MYRIP: variants seen among roughly 807,000 people sequenced by gnomAD.
The protein encoded by MYRIP is myosin VIIA and Rab interacting protein.
A neutral mutation model predicts 98.0 loss-of-function variants in MYRIP; 49 were observed. The ratio of observed to expected loss-of-function variants is 0.50; its 90% CI spans 0.40 to 0.63. MYRIP has a LOEUF of 0.63. Ranked by LOEUF, MYRIP falls within the 30% of genes least tolerant of loss-of-function variation. The probability of loss-of-function intolerance (pLI) is 0.00; values close to 1 mark genes in which losing one functional copy is unlikely to be tolerated. For synonymous variants in MYRIP, 404 were observed against 409.5 expected, an observed-to-expected ratio of 0.99 and a Z score of 0.16; for missense variants, 1,004 against 1,058.2, an observed-to-expected ratio of 0.95 and a Z score of 0.71.
intron 3 of MYRIP, among the ~76,000 whole-genome samples, chr3:40,051,831 T>C (rs757156135): frequency 1.3e-5 from 2 of 152,184 alleles, no homozygotes; most frequent in Non-Finnish European, 2.9e-5. Context: ...ACAGCCCACA[T>C]ACCTCATAAA....
intron 11 of MYRIP, among the ~76,000 whole-genome samples, chr3:40,226,085 C>G (rs1355776123): frequency 6.6e-6 from 1 of 151,984 alleles, no homozygotes; most frequent in African/African-American, 2.4e-5. Context: ...CGTATGTAGC[C>G]CTTCAGCCCT....
chr3:40,166,537 A>G (rs1376821953), intron 5 of MYRIP, among the ~76,000 whole-genome samples: 1 of 152,066 alleles, frequency 6.6e-6, no homozygotes, highest in Non-Finnish European at 1.5e-5. Flanking sequence ...TTGTTAGAGG[A>G]GGAATTTTTG....
At chr3:39,930,184 G>T (rs904087292) in intron 2 of MYRIP, among the ~76,000 whole-genome samples, 2 of 151,898 alleles carry the variant, frequency 1.3e-5, no homozygotes, top group Non-Finnish European at 2.9e-5. Flanking sequence ...ATGTATGAGG[G>T]TTCCAGTTTA....
chr3:39,957,092 C>T (rs558679765), intron 2 of MYRIP, among the ~76,000 whole-genome samples: 6 of 151,776 alleles, frequency 4.0e-5, no homozygotes, highest in Non-Finnish European at 8.8e-5. Flanking sequence ...CCGAATTCTA[C>T]CAGAGGTACA....
chr3:39,988,216 C>T (rs1238938195), intron 2 of MYRIP, among the ~76,000 whole-genome samples: 4 of 151,618 alleles, frequency 2.6e-5, no homozygotes, highest in Non-Finnish European at 2.9e-5. Context: ...TGCTAAATGA[C>T]GAGTTAATGG....
intron 2 of MYRIP, among the ~76,000 whole-genome samples, chr3:39,909,773 AC>A (rs1452285617): frequency 6.6e-6 from 1 of 152,102 alleles, no homozygotes; most frequent in Non-Finnish European, 1.5e-5. Flanking sequence ...GGAGGAAGAG[AC>A]TGTTTTGAAG....
chr3:40,168,651 T>C (rs1950548690), intron 7 of MYRIP, among the ~76,000 whole-genome samples: 1 of 152,218 alleles, frequency 6.6e-6, no homozygotes. Context: ...ATGTTCACTC[T>C]GGGGCCCAAC....
chr3:39,872,558 A>G (rs985238170), intron 1 of MYRIP, among the ~76,000 whole-genome samples: 4 of 144,490 alleles, frequency 2.8e-5, no homozygotes, highest in Admixed American at 7.4e-5. Flanking sequence ...TCATTGTTCA[A>G]TTCCCACCTA....
chr3:40,181,000 T>C (rs1950870792), intron 8 of MYRIP, among the ~76,000 whole-genome samples: 1 of 152,332 alleles, frequency 6.6e-6, no homozygotes, highest in African/African-American at 2.4e-5. Flanking sequence ...GGCAAGGCCA[T>C]TGAGTGCATC....
intron 2 of MYRIP, among the ~76,000 whole-genome samples, chr3:40,019,460 G>A (rs1946943311): frequency 6.6e-6 from 1 of 152,094 alleles, no homozygotes; most frequent in Non-Finnish European, 1.5e-5. Context: ...TCTGTAAACT[G>A]CACCCCACCT....
At chr3:39,853,239 T>C (rs181971495) in intron 1 of MYRIP, among the ~76,000 whole-genome samples, 1 of 152,348 alleles carries the variant, frequency 6.6e-6, no homozygotes, top group Non-Finnish European at 1.5e-5. Flanking sequence ...TCTTTTTTAA[T>C]ATAATGACTT....
intron 4 of MYRIP, among the ~76,000 whole-genome samples, chr3:40,160,343 C>T (rs2125587315): frequency 6.6e-6 from 1 of 152,348 alleles, no homozygotes; most frequent in Admixed American, 6.5e-5. Context: ...AGGAGGCAGT[C>T]TGCCTGTTCT....
In MYRIP at chr3:39,823,943, A is replaced by G. The variant is rs769811850; in HGVS notation, c.-31+14027A>G. Among the ~76,000 whole-genome samples, 3 of 152,054 alleles carry G rather than the reference A, an allele frequency of 2.0e-5. No individual in the cohort carries two copies. In the South Asian group the frequency reaches 6.2e-4, roughly 32 times the overall value. On this transcript the variant is annotated intron_variant, in intron 1 of 16. Transcript: ENST00000302541. ...AAATCTTTTTCCAGATCAATGTCCT[A>G]AAGTATTTCCCCTATGTTTTTATCT...
At chr3:39,976,221 A>G (rs1196000563) in intron 2 of MYRIP, among the ~76,000 whole-genome samples, 1 of 152,226 alleles carries the variant, frequency 6.6e-6, no homozygotes, top group African/African-American at 2.4e-5. Flanking sequence ...AACCCCATCA[A>G]CAAGTGGGTG....
intron 2 of MYRIP, among the ~76,000 whole-genome samples, chr3:40,037,053 C>T (rs921315411): frequency 4.6e-5 from 7 of 151,906 alleles, no homozygotes; most frequent in African/African-American, 1.7e-4. Context: ...TAGGAAGAAA[C>T]AGAAAAGGCA....
chr3:40,193,782 C>T (rs2679815), intron 10 of MYRIP, among the ~76,000 whole-genome samples: 139,724 of 152,170 alleles, frequency 0.92, 64,217 homozygotes, highest in Middle Eastern at 0.96. Context: ...TTGGCTAACA[C>T]TTTCATAATT....
intron 10 of MYRIP, among the ~76,000 whole-genome samples, chr3:40,196,335 T>C (rs975318637): frequency 1.3e-5 from 2 of 152,206 alleles, no homozygotes; most frequent in Non-Finnish European, 2.9e-5. Flanking sequence ...AAATATTTCA[T>C]ATATATTTCC....
intron 11 of MYRIP, among the ~76,000 whole-genome samples, chr3:40,220,398 G>A (rs1462207360): frequency 1.3e-5 from 2 of 152,194 alleles, no homozygotes; most frequent in Non-Finnish European, 2.9e-5. Context: ...TTTTAGACAT[G>A]AAGTCCTTGC....
rs546301163 is a variant in MYRIP, at chr3:40,217,757, T to C, written c.1905+7664T>C. On this transcript the variant is annotated intron_variant, in intron 11 of 16. Transcript: ENST00000302541. ...TCACAGATTGCATGAAGCCCATCCATAAACCCCAAGTTTAGAAATTACTAT... is the reference window on the plus strand; with the variant it reads ...TCACAGATTGCATGAAGCCCATCCACAAACCCCAAGTTTAGAAATTACTAT... Among the ~76,000 whole-genome samples, 5 of 152,250 alleles carry C rather than the reference T, an allele frequency of 3.3e-5. No homozygotes were observed. In the South Asian group the frequency reaches 8.3e-4, roughly 25 times the overall value.
Sources: gnomAD v4.1 joint callset for allele counts (sites outside exome capture counted in the v4.1 genomes callset) on GRCh38, gnomAD v4.1.1 for gene constraint, MANE v1.5 for transcripts, NCBI Gene and HGNC (gene_info 2026-07-23, HGNC 2026-07-21) for gene names.